The following CCNB3 variants were observed in gnomAD, a reference collection of about 807,000 sequenced individuals.
CCNB3 encodes the protein cyclin B3.
CCNB3 carries 12 observed loss-of-function variants against 68.0 expected under a neutral mutation model. That is an observed-to-expected ratio of 0.18 (90% CI 0.11 to 0.29). The LOEUF (loss-of-function observed/expected upper bound fraction) is 0.29, where lower values mean the gene tolerates loss of function less well. Among genes scored for constraint, CCNB3 ranks in the 10% least tolerant of loss-of-function variants. The pLI is 1.00. For synonymous variants in CCNB3, 354 were observed against 388.9 expected, an observed-to-expected ratio of 0.91 and a Z score of 1.06; for missense variants, 904 against 993.1, an observed-to-expected ratio of 0.91 and a Z score of 1.21.
At chrX:50,214,509 T>TATATATATATATATAGATATATA (rs1935535542) in intron 1 of CCNB3, among the ~76,000 whole-genome samples, 1 of 68,153 alleles carries the variant, frequency 1.5e-5, no homozygotes, top group Non-Finnish European at 3.0e-5. Flanking sequence ...TATATATATA[T>TATATATATATATATAGATATATA]TTTAGCTGTG....
At chrX:50,219,768 T>G (rs1258769880) in intron 1 of CCNB3, among the ~76,000 whole-genome samples, 1 of 111,600 alleles carries the variant, frequency 9.0e-6, no homozygotes, top group Admixed American at 9.6e-5. Context: ...TTTTTTGTTT[T>G]CATATGAAAT....
At chrX:50,315,402 A>G (rs903725539) in intron 8 of CCNB3, among the ~76,000 whole-genome samples, 7 of 111,939 alleles carry the variant, frequency 6.3e-5, no homozygotes, top group African/African-American at 2.3e-4. Context: ...TTTTGGATAT[A>G]AAGTTCCATG....
At chrX:50,289,367 C>G (rs1936306308) in intron 4 of CCNB3, among the ~76,000 whole-genome samples, 1 of 111,117 alleles carries the variant, frequency 9.0e-6, no homozygotes, top group Non-Finnish European at 1.9e-5. Flanking sequence ...TCAAAAATGC[C>G]TCCAGATACA....
At chrX:50,213,069 C>G (rs1204098774) in intron 1 of CCNB3, among the ~76,000 whole-genome samples, 1 of 111,910 alleles carries the variant, frequency 8.9e-6, no homozygotes, top group Admixed American at 9.5e-5. Flanking sequence ...CAAAGGCCAA[C>G]CTTTGTAAGC....
At chrX:50,279,289 T>C (rs1421124937) in intron 1 of CCNB3, among the ~76,000 whole-genome samples, 1 of 72,209 alleles carries the variant, frequency 1.4e-5, no homozygotes, top group Non-Finnish European at 2.3e-5. Context: ...TATTCATATA[T>C]AAATATATAT....
chrX:50,347,689 G>A lies in CCNB3; in HGVS notation c.3874G>A (p.Glu1292Lys). Reference sequence around the variant, plus strand: ...CTACATCTGCGAGATGACCCTGCAGGAATACCACTATGTCCAGGAGAAGGC... The same window carrying A: ...CTACATCTGCGAGATGACCCTGCAGAAATACCACTATGTCCAGGAGAAGGC... ...SRYICEMTLQ[E>K]YHYVQEKASK... Residue 1292 changes from glutamate (E) to lysine (K), a missense_variant, in exon 11 of 13, where the codon GAA becomes AAA. Glu to Lys is a moderately conservative substitution (Grantham distance 56). Transcript: ENST00000376042. The A allele has an allele frequency of 8.3e-7, 1 of 1,210,911 alleles. No homozygotes were observed. The highest frequency in any genetic ancestry group is 1.1e-6 in the Non-Finnish European group (1 of 895,114).
In CCNB3 at chrX:50,311,115, T is replaced by C; in HGVS notation, c.2946T>C (p.Pro982=). The change falls in exon 6 of 13, where the codon CCT becomes CCC. Residue 982 remains proline, a synonymous_variant. Transcript: ENST00000376042. ...GTSPNVSSTA[P]ESITSKSSIA... ...GCCCAAATGTGTCTAGCACTGCCCC[T>C]GAATCCATAACCAGCAAGTCCAGCA... is the stretch of plus-strand genomic sequence containing the variant. The C allele has an allele frequency of 8.3e-7, 1 of 1,206,896 alleles. No homozygotes were observed. The highest frequency in any genetic ancestry group is 3.0e-5 in the East Asian group (1 of 33,633).
chrX:50,314,823 A>G (rs1921638982), intron 8 of CCNB3, among the ~76,000 whole-genome samples: 1 of 111,321 alleles, frequency 9.0e-6, no homozygotes, highest in African/African-American at 3.3e-5. Flanking sequence ...CTGGAAAGAA[A>G]TTTCTAGTGA....
At chrX:50,347,870 T>C (rs1254994937) in intron 11 of CCNB3, 95 bp downstream of exon 11, 10 of 906,077 alleles carry the variant, frequency 1.1e-5, no homozygotes, top group Non-Finnish European at 1.5e-5. Flanking sequence ...CGGGAAACTC[T>C]TGGGGACAAA....
intron 1 of CCNB3, among the ~76,000 whole-genome samples, chrX:50,228,134 A>T (rs1482923232): frequency 1.1e-5 from 1 of 91,230 alleles, no homozygotes; most frequent in Non-Finnish European, 2.1e-5. Flanking sequence ...ATGAATATAT[A>T]CATAATATAT....
At chrX:50,224,939 G>A (rs1935729187) in intron 1 of CCNB3, among the ~76,000 whole-genome samples, 1 of 111,285 alleles carries the variant, frequency 9.0e-6, no homozygotes, top group Admixed American at 9.6e-5. Flanking sequence ...ATACCTTACA[G>A]GATTTTTGTG....
intron 5 of CCNB3, among the ~76,000 whole-genome samples, chrX:50,297,416 G>C (rs1602210213): frequency 9.0e-6 from 1 of 111,021 alleles, no homozygotes; most frequent in East Asian, 2.8e-4. Context: ...TTTTTGTCAG[G>C]TTTGTCAAAG....
Position 50,351,760 on chromosome X carries a change from A to G in CCNB3, c.*57A>G. ...CAGGGTATATTTATTCTATGTTCGAATTTGTCTTTTGATCGCTTTTATTCA... is the reference window on the plus strand; with the variant it reads ...CAGGGTATATTTATTCTATGTTCGAGTTTGTCTTTTGATCGCTTTTATTCA... On this transcript the variant is annotated 3_prime_UTR_variant, in exon 13 of 13. Coordinates refer to ENST00000376042, the MANE Select transcript of CCNB3 (RefSeq NM_033031.3). 1.1e-6 allele frequency: 1 copy of G among 905,472 alleles called. No homozygotes were observed. The highest frequency in any genetic ancestry group is 2.8e-5 in the South Asian group (1 of 36,191). The allele number at this position is 905,472 out of a possible 1,213,427, so 74.6% of individuals were successfully genotyped here.
chrX:50,351,274 A>G lies in CCNB3; in HGVS notation c.3994A>G (p.Ile1332Val), dbSNP rs1923667097. The G allele has an allele frequency of 8.3e-7, 1 of 1,210,989 alleles. No individual in the cohort carries two copies. Among genetic ancestry groups the G allele is most frequent in the South Asian group, 1.8e-5 (1 of 56,963 alleles). Residue 1332 changes from isoleucine (I) to valine (V), a missense_variant, in exon 12 of 13, where the codon ATC (isoleucine) becomes GTC (valine). Physicochemically the swap from Ile to Val is conservative, Grantham distance 29 (BLOSUM62 3). This residue lies in a region of CCNB3 where 285 missense variants were observed against 383.4 expected (regional missense o/e 0.74). Transcript: ENST00000376042. ...PFLEHYSGYSISELHPLVRQL... is the reference protein window; with the variant it reads ...PFLEHYSGYSVSELHPLVRQL... ...CCTGGAGCATTACAGTGGCTACAGT[A>G]TCTCTGAGCTTCACCCCTTGGTCAG...
At chrX:50,336,190 G>A (rs1922843232) in intron 8 of CCNB3, among the ~76,000 whole-genome samples, 3 of 111,948 alleles carry the variant, frequency 2.7e-5, no homozygotes, top group Non-Finnish European at 3.8e-5. Flanking sequence ...CTTTTGCTCC[G>A]AATCACCTTG....
intron 5 of CCNB3, among the ~76,000 whole-genome samples, chrX:50,298,808 G>A (rs1249719905): frequency 1.8e-5 from 2 of 111,624 alleles, no homozygotes; most frequent in East Asian, 5.6e-4. Flanking sequence ...CTCAATTTCA[G>A]AGTCTGTTAT....
intron 1 of CCNB3, among the ~76,000 whole-genome samples, chrX:50,226,918 A>ATATAGAATATATATAGTATATG (rs1935849468): frequency 1.4e-5 from 1 of 70,368 alleles, no homozygotes; most frequent in Non-Finnish European, 2.3e-5. Flanking sequence ...TATAGTATAT[A>ATATAGAATATATATAGTATATG]TATAGAATAT....
intron 1 of CCNB3, among the ~76,000 whole-genome samples, chrX:50,217,447 T>C (rs1935595112): frequency 9.2e-6 from 1 of 109,222 alleles, no homozygotes; most frequent in South Asian, 4.0e-4. Flanking sequence ...TAATTTTTTG[T>C]ATTTTTAGTA....
intron 8 of CCNB3, among the ~76,000 whole-genome samples, chrX:50,328,743 G>T (rs1453156583): frequency 1.8e-5 from 2 of 111,906 alleles, no homozygotes; most frequent in East Asian, 5.6e-4. Context: ...TCTTATCTGA[G>T]ACAAGGCAAG....
Sources: gnomAD v4.1 joint callset for allele counts (sites outside exome capture counted in the v4.1 genomes callset) on GRCh38, gnomAD v4.1.1 for gene constraint, gnomAD v4.1.1 regional missense constraint, MANE v1.5 for transcripts, NCBI Gene and HGNC (gene_info 2026-07-23, HGNC 2026-07-21) for gene names.